The following LARGE1 variants were observed in gnomAD, a reference collection of about 807,000 sequenced individuals.
LARGE1 encodes the protein LARGE xylosyl- and glucuronyltransferase 1.
In LARGE1, 43 loss-of-function variants were observed where a neutral mutation model predicts 87.6. That is an observed-to-expected ratio of 0.49 (90% confidence interval 0.38 to 0.63). The LOEUF (loss-of-function observed/expected upper bound fraction) is 0.63, where lower values mean the gene tolerates loss of function less well. LARGE1 is among the 30% of genes least tolerant of loss of function. LARGE1 has a pLI of 0.00. For synonymous variants in LARGE1, 434 were observed against 394.6 expected, an observed-to-expected ratio of 1.10 and a Z score of -1.18; for missense variants, 802 against 1,000.2, an observed-to-expected ratio of 0.80 and a Z score of 2.67.
the LARGE1 span, among the ~76,000 whole-genome samples, chr22:33,114,843 A>G: frequency 6.6e-6 from 1 of 152,208 alleles, no homozygotes; most frequent in Non-Finnish European, 1.5e-5. Flanking sequence ...GAATCTTGTC[A>G]CATAGGCTTG....
At chr22:33,444,810 C>A (rs1287285059) in intron 6 of LARGE1, among the ~76,000 whole-genome samples, 1 of 152,000 alleles carries the variant, frequency 6.6e-6, no homozygotes. Flanking sequence ...GCGGTCCCTT[C>A]CCTCAGTGGA....
intron 1 of LARGE1, among the ~76,000 whole-genome samples, chr22:33,877,909 G>A (rs900412378): frequency 2.0e-5 from 3 of 151,562 alleles, no homozygotes; most frequent in African/African-American, 7.3e-5. Flanking sequence ...GCAACAGAGC[G>A]AGACTCTGTC....
chr22:33,897,166 C>T (rs555067310), intron 1 of LARGE1, among the ~76,000 whole-genome samples: 187 of 152,278 alleles, frequency 1.2e-3, no homozygotes, highest in Admixed American at 4.4e-3. Flanking sequence ...GAAATGAAAG[C>T]CTCAGGTTGA....
At chr22:33,595,544 A>G (rs1201033370) in intron 5 of LARGE1, among the ~76,000 whole-genome samples, 1 of 152,230 alleles carries the variant, frequency 6.6e-6, no homozygotes, top group Non-Finnish European at 1.5e-5. Flanking sequence ...CAAGCAGGTC[A>G]GAAGACATGT....
At chr22:33,171,806 G>A (rs944776538) in intron 11 of LARGE1, among the ~76,000 whole-genome samples, 2 of 152,348 alleles carry the variant, frequency 1.3e-5, no homozygotes, top group South Asian at 2.1e-4. Flanking sequence ...GCTAGGCAGT[G>A]AGGAAGGGAA....
intron 6 of LARGE1, among the ~76,000 whole-genome samples, chr22:33,485,872 G>A (rs1462979334): frequency 6.6e-6 from 1 of 152,114 alleles, no homozygotes; most frequent in African/African-American, 2.4e-5. Flanking sequence ...ATACATTTAT[G>A]TATTTCCCCA....
At chr22:33,653,537 GT>G (rs1236844573) in intron 2 of LARGE1, among the ~76,000 whole-genome samples, 2 of 152,182 alleles carry the variant, frequency 1.3e-5, no homozygotes, top group Admixed American at 6.5e-5. Context: ...CTTTGGAGGA[GT>G]TACATCAGTG....
intron 11 of LARGE1, among the ~76,000 whole-genome samples, chr22:33,310,129 G>A (rs1329718333): frequency 1.3e-5 from 2 of 152,082 alleles, no homozygotes; most frequent in Non-Finnish European, 2.9e-5. Flanking sequence ...GTCTGGGGTG[G>A]GGCCTGAGAA....
rs116679076 is a variant in LARGE1, at chr22:33,546,287, G to A, written c.787+18561C>T. Among the ~76,000 whole-genome samples the A allele has an allele frequency of 2.6e-3, 392 of 152,264 alleles. 1 individual carries two copies. Among genetic ancestry groups the A allele is most frequent in the African/African-American group, 9.1e-3 (378 of 41,552 alleles). On this transcript the variant is annotated intron_variant, in intron 6 of 14. Transcript: ENST00000397394. ...GCAACTGACATAGGGAACACACCACGCTTTATCATGCCTTCCTGCCTTTGG... is the reference window on the plus strand; with the variant it reads ...GCAACTGACATAGGGAACACACCACACTTTATCATGCCTTCCTGCCTTTGG...
chr22:33,914,181 G>C (rs2065718666), intron 1 of LARGE1, among the ~76,000 whole-genome samples: 1 of 152,166 alleles, frequency 6.6e-6, no homozygotes, highest in Admixed American at 6.5e-5. Context: ...CAGCCATAGT[G>C]AGGAGCCCTC....
intron 12 of LARGE1, 22 bp downstream of exon 12, chr22:33,304,207 C>A: frequency 6.2e-7 from 1 of 1,613,648 alleles, no homozygotes; most frequent in Non-Finnish European, 8.5e-7. Flanking sequence ...GGCCTGATGG[C>A]CAGGCCCCTG....
At chr22:33,618,120 A>T (rs1482801494) in intron 4 of LARGE1, among the ~76,000 whole-genome samples, 7 of 152,250 alleles carry the variant, frequency 4.6e-5, no homozygotes, top group Admixed American at 3.9e-4. Context: ...TGTTGCACTT[A>T]CAGATTTAAT....
intron 1 of LARGE1, among the ~76,000 whole-genome samples, chr22:33,799,445 TTC>T (rs1443993823): frequency 2.3e-5 from 3 of 130,326 alleles, no homozygotes; most frequent in Non-Finnish European, 3.5e-5. Flanking sequence ...GATAAGAAAC[TTC>T]TTTTTTTTTT....
intron 1 of LARGE1, among the ~76,000 whole-genome samples, chr22:33,871,596 A>C (rs778369977): frequency 9.9e-5 from 15 of 152,130 alleles, no homozygotes; most frequent in Non-Finnish European, 5.9e-5. Context: ...CTTTACCCTT[A>C]ATTTCAAGCT....
At chr22:33,562,278 T>C (rs1470118640) in intron 6 of LARGE1, among the ~76,000 whole-genome samples, 1 of 152,216 alleles carries the variant, frequency 6.6e-6, no homozygotes, top group Non-Finnish European at 1.5e-5. Flanking sequence ...TCTGTATTTT[T>C]CCAGAAAAAT....
intron 9 of LARGE1, among the ~76,000 whole-genome samples, chr22:33,365,817 T>A (rs1467561034): frequency 6.6e-6 from 1 of 152,142 alleles, no homozygotes; most frequent in East Asian, 1.9e-4. Flanking sequence ...GGGTTTCACA[T>A]GTTGGCCAGG....
chr22:33,562,793 C>T (rs1017465931), intron 6 of LARGE1: 4 of 152,518 alleles, frequency 2.6e-5, no homozygotes, highest in African/African-American at 9.7e-5. Flanking sequence ...AGCTACAGCT[C>T]TACAATCTCT....
intron 11 of LARGE1, among the ~76,000 whole-genome samples, chr22:33,255,845 G>A (rs1927234518): frequency 6.6e-6 from 1 of 152,186 alleles, no homozygotes; most frequent in Non-Finnish European, 1.5e-5. Flanking sequence ...TGAGGGTCCT[G>A]TTATCCAACT....
intron 2 of LARGE1, among the ~76,000 whole-genome samples, chr22:33,662,343 T>A (rs1282658332): frequency 6.6e-6 from 1 of 152,152 alleles, no homozygotes; most frequent in Non-Finnish European, 1.5e-5. Context: ...CCCTGCCCCA[T>A]CTTTTCAGGA....
Sources: allele counts gnomAD v4.1 joint callset (sites outside exome capture counted in the v4.1 genomes callset), GRCh38; gene constraint gnomAD v4.1.1; transcripts MANE v1.5; gene names NCBI Gene and HGNC (gene_info 2026-07-23, HGNC 2026-07-21).